Variants in STK4 observed in about 807,000 individuals in gnomAD.
STK4 encodes the protein serine/threonine-protein kinase 4.
Under a neutral mutation model 64.9 loss-of-function variants are expected in STK4, and 30 were observed. The ratio of observed to expected loss-of-function variants is 0.46; its 90% CI spans 0.35 to 0.63. The LOEUF is 0.63. Ranked by LOEUF, STK4 falls within the 20% of genes least tolerant of loss-of-function variation. The probability of loss-of-function intolerance (pLI) is 0.01; values close to 1 mark genes in which losing one functional copy is unlikely to be tolerated. For missense variants in STK4, 466 were observed against 598.5 expected (o/e 0.78, Z 2.31); for synonymous variants, 177 against 199.0 (o/e 0.89, Z 0.93).
At chr20:45,026,255 G>A (rs754856196) in intron 10 of STK4, among the ~76,000 whole-genome samples, 5 of 151,190 alleles carry the variant, frequency 3.3e-5, no homozygotes, top group Non-Finnish European at 5.9e-5. Context: ...AGTATTTAGT[G>A]TGTTAAATGG....
chr20:45,070,885 CA>C (rs34886047), intron 10 of STK4, among the ~76,000 whole-genome samples: 37,920 of 108,748 alleles, frequency 0.35, 4,891 homozygotes, highest in Middle Eastern at 0.48. Flanking sequence ...GACTCCGTCT[CA>C]AAAAAAAAAA....
At chr20:44,998,969 G>A (rs1452589674) in intron 7 of STK4, among the ~76,000 whole-genome samples, 1 of 151,930 alleles carries the variant, frequency 6.6e-6, no homozygotes, top group Admixed American at 6.6e-5. Flanking sequence ...GCAGGAGGCT[G>A]AGGCAGGAGA....
intron 9 of STK4, among the ~76,000 whole-genome samples, chr20:45,010,361 G>A (rs1014324309): frequency 4.6e-5 from 7 of 152,004 alleles, no homozygotes; most frequent in South Asian, 2.1e-4. Context: ...CACCGCGCCC[G>A]GCCTCCCAAT....
Position 45,020,231 on chromosome 20 carries a change from A to G in STK4, c.1148-4742A>G, listed in dbSNP as rs75856535. 8.6e-3 allele frequency among the ~76,000 whole-genome samples: 1,310 copies of G among 152,302 alleles called. 18 individuals carry two copies. The highest frequency in any genetic ancestry group is 0.03 in the African/African-American group (1,257 of 41,548). On this transcript the variant is annotated intron_variant, in intron 9 of 10. Transcript: ENST00000372806. ...TATAGTACATTTTCTGGCACTTGAT[A>G]GATGCCTATTAAGTGTAAGGCTTTT... is the stretch of plus-strand genomic sequence containing the variant.
intron 9 of STK4, among the ~76,000 whole-genome samples, chr20:45,018,573 TA>T (rs1380056953): frequency 1.3e-5 from 2 of 152,078 alleles, no homozygotes; most frequent in East Asian, 3.9e-4. Flanking sequence ...TCTTGCTGCT[TA>T]AAAAAAATTG....
chr20:45,027,593 A>G (rs553018410), intron 10 of STK4, among the ~76,000 whole-genome samples: 6 of 152,152 alleles, frequency 3.9e-5, no homozygotes, highest in African/African-American at 9.7e-5. Context: ...TGGGATATCT[A>G]TTACCTCAGA....
At chr20:45,037,314 G>T (rs1245177887) in intron 10 of STK4, among the ~76,000 whole-genome samples, 1 of 152,102 alleles carries the variant, frequency 6.6e-6, no homozygotes, top group Non-Finnish European at 1.5e-5. Flanking sequence ...GTGCAAAAGG[G>T]GAGGAAGGGA....
intron 5 of STK4, among the ~76,000 whole-genome samples, chr20:44,994,269 A>G (rs1874565069): frequency 6.6e-6 from 1 of 151,424 alleles, no homozygotes; most frequent in Non-Finnish European, 1.5e-5. Context: ...CCTACTAGAT[A>G]TAATTAATGG....
chr20:45,061,128 C>A (rs1212829561), intron 10 of STK4, among the ~76,000 whole-genome samples: 2 of 152,158 alleles, frequency 1.3e-5, no homozygotes, highest in East Asian at 3.9e-4. Context: ...CTAAAACTCA[C>A]AGAACAAAAA....
chr20:45,028,639 G>A (rs6073607), intron 10 of STK4, among the ~76,000 whole-genome samples: 66,245 of 151,898 alleles, frequency 0.44, 15,059 homozygotes, highest in Middle Eastern at 0.54. Context: ...TGTGGTTTCA[G>A]TTTGCATTTT....
chr20:45,052,219 A>G (rs2068787359), intron 10 of STK4, among the ~76,000 whole-genome samples: 1 of 152,214 alleles, frequency 6.6e-6, no homozygotes, highest in Admixed American at 6.5e-5. Context: ...CACTCATTAT[A>G]GAAAGTTTAG....
At chr20:45,018,415 CA>C (rs1281976634) in intron 9 of STK4, among the ~76,000 whole-genome samples, 1 of 152,110 alleles carries the variant, frequency 6.6e-6, no homozygotes, top group Non-Finnish European at 1.5e-5. Flanking sequence ...AATTGAAGGT[CA>C]TGAAGTTTAA....
chr20:45,045,781 T>C (rs949506124), intron 10 of STK4, among the ~76,000 whole-genome samples: 4 of 142,164 alleles, frequency 2.8e-5, no homozygotes, highest in African/African-American at 1.1e-4. Context: ...ATTTTGCTAT[T>C]GTCAGAAAGT....
chr20:45,032,143 T>C lies in STK4; in HGVS notation c.1305+7013T>C, dbSNP rs933987676. ...GACTTAAATATTCTTCTCTCCAAAA[T>C]TGACATTTCAGTTAGACAAAAAACT... On this transcript the variant is annotated intron_variant, in intron 10 of 10. Transcript: ENST00000372806. Among the ~76,000 whole-genome samples the C allele has an allele frequency of 6.6e-5, 10 of 152,202 alleles. No individual in the cohort carries two copies. The South Asian group carries it at 8.3e-4, about 13-fold the overall frequency.
intron 1 of STK4, 147 bp downstream of exon 1, chr20:44,966,750 G>T: frequency 9.3e-6 from 9 of 964,980 alleles, no homozygotes; most frequent in Non-Finnish European, 1.2e-5. Flanking sequence ...GGGACGTCTG[G>T]TGGGTGAGGG....
chr20:45,037,078 T>G (rs1015385242), intron 10 of STK4, among the ~76,000 whole-genome samples: 2 of 152,176 alleles, frequency 1.3e-5, no homozygotes, highest in African/African-American at 4.8e-5. Context: ...CTATCTGTAC[T>G]GTGTGGCATT....
chr20:45,037,984 C>T (rs1420275346), intron 10 of STK4, among the ~76,000 whole-genome samples: 1 of 152,050 alleles, frequency 6.6e-6, no homozygotes, highest in Admixed American at 6.6e-5. Context: ...TTGATGTTTC[C>T]TGGGAACTCA....
At chr20:45,029,332 A>G (rs969749426) in intron 10 of STK4, among the ~76,000 whole-genome samples, 7 of 151,652 alleles carry the variant, frequency 4.6e-5, no homozygotes, top group Non-Finnish European at 2.9e-5. Flanking sequence ...TGATATTGGG[A>G]CTCTTGCACT....
At chr20:45,032,720 T>C (rs1253700192) in intron 10 of STK4, among the ~76,000 whole-genome samples, 1 of 152,218 alleles carries the variant, frequency 6.6e-6, no homozygotes, top group Non-Finnish European at 1.5e-5. Context: ...TGAATAGTAC[T>C]GCAGCGAACA....
Sources: allele counts gnomAD v4.1 joint callset (sites outside exome capture counted in the v4.1 genomes callset), GRCh38; gene constraint gnomAD v4.1.1; transcripts MANE v1.5; gene names NCBI Gene and HGNC (gene_info 2026-07-23, HGNC 2026-07-21).